Variants in PTGES2 observed in about 807,000 individuals in gnomAD.
The protein encoded by PTGES2 is GATE-binding factor 1.
Under a neutral mutation model 44.5 loss-of-function variants are expected in PTGES2, and 35 were observed. The ratio of observed to expected loss-of-function variants is 0.79; its 90% CI spans 0.60 to 1.04. The LOEUF (loss-of-function observed/expected upper bound fraction) is 1.04, where lower values mean the gene tolerates loss of function less well. PTGES2 is among the 50% of genes least tolerant of loss of function. The probability of loss-of-function intolerance (pLI) is 0.00; values close to 1 mark genes in which losing one functional copy is unlikely to be tolerated. For missense variants in PTGES2, 517 were observed against 521.4 expected (o/e 0.99, Z 0.08); for synonymous variants, 221 against 227.5 (o/e 0.97, Z 0.26).
intron 6 of PTGES2, 70 bp downstream of exon 6, chr9:128,122,286 GCTTTCC>G (rs1347889169): frequency 1.7e-6 from 2 of 1,177,402 alleles, no homozygotes; most frequent in Non-Finnish European, 2.5e-6. Flanking sequence ...CACCGTCCAG[GCTTTCC>G]CTTGCAAACC....
intron 6 of PTGES2, 31 bp from the exon 7 acceptor site, chr9:128,121,304 G>C (rs376523473): frequency 1.7e-5 from 27 of 1,592,988 alleles, no homozygotes; most frequent in Non-Finnish European, 2.2e-5. Context: ...TGTCACCATA[G>C]CTGGTTTGAC....
At chr9:128,121,938 C>T (rs565713467) in intron 6 of PTGES2, among the ~76,000 whole-genome samples, 2 of 150,246 alleles carry the variant, frequency 1.3e-5, no homozygotes, top group Admixed American at 6.6e-5. Context: ...ACAACAACAA[C>T]AAAAAAAAAC....
At chr9:128,127,015 C>A (rs1834644814) in intron 1 of PTGES2, among the ~76,000 whole-genome samples, 1 of 150,780 alleles carries the variant, frequency 6.6e-6, no homozygotes, top group Non-Finnish European at 1.5e-5. Flanking sequence ...CCTATCTCTA[C>A]AAAAAATACA....
chr9:128,126,859 C>T (rs7030184), intron 1 of PTGES2, among the ~76,000 whole-genome samples: 121,717 of 145,976 alleles, frequency 0.83, 50,336 homozygotes, highest in Non-Finnish European at 0.9. Flanking sequence ...AAAAAAACTC[C>T]GTCTCAAAAA....
chr9:128,123,712 C>T lies in PTGES2; in HGVS notation c.676G>A (p.Glu226Lys). 1 of 1,613,472 alleles carries T rather than the reference C, an allele frequency of 6.2e-7. No individual in the cohort carries two copies. The highest frequency in any genetic ancestry group is 1.1e-5 in the South Asian group (1 of 91,068). The stretch of plus-strand genomic sequence containing the variant: ...CCCAGCCCCACTCACGTCCTGGCCT[C>T]CTTCCCACCATACACTTGCTGGGCC... ...KEAQQVYGGK[E>K]ARTEEMKWRQ... The change falls in exon 4 of 7, where the codon GAG (glutamate) becomes AAG (lysine). Residue 226 changes from glutamate to lysine, a missense_variant. Coordinates refer to ENST00000338961, the MANE Select transcript of PTGES2 (RefSeq NM_025072.7). The surrounding 1 kb of genome is among the most constrained non-coding windows in gnomAD (Gnocchi z 4.4).
In PTGES2 at chr9:128,123,786, T is replaced by A. The variant is rs535947484; in HGVS notation, c.602A>T (p.Glu201Val). The A allele has an allele frequency of 8.1e-6, 13 of 1,613,874 alleles. No homozygotes were observed. In the African/African-American group the frequency reaches 9.3e-5, roughly 12 times the overall value. ...AMKAVNEQGK[E>V]VTEFGNKYWL... ...GTACTTATTGCCGAACTCGGTCACC[T>A]CCTTGCCCTGCTCGTTCACAGCCTT... Residue 201 changes from glutamate (E) to valine (V), a missense_variant, in exon 4 of 7, where the codon GAG becomes GTG. Transcript: ENST00000338961. The surrounding 1 kb of genome is among the most constrained non-coding windows in gnomAD (Gnocchi z 4.4).
Position 128,123,249 on chromosome 9 carries a change from T to C in PTGES2, c.687-115A>G. Reference sequence around the variant, plus strand: ...GGAAGCTGAAGCCTGAGCAGGAAGGTCTTTTTTTTTTTTTTGAGACAAAGT... The same window carrying C: ...GGAAGCTGAAGCCTGAGCAGGAAGGCCTTTTTTTTTTTTTTGAGACAAAGT... On this transcript the variant is annotated intron_variant, in intron 4 of 6. Transcript: ENST00000338961. The surrounding 1 kb of genome is among the most constrained non-coding windows in gnomAD (Gnocchi z 4.4). The C allele has an allele frequency of 1.2e-6, 1 of 845,306 alleles. No individual in the cohort carries two copies. Among genetic ancestry groups the C allele is most frequent in the Non-Finnish European group, 1.7e-6 (1 of 589,542 alleles). The allele number at this position is 845,306 out of a possible 1,614,324, so 52.4% of individuals were successfully genotyped here.
intron 1 of PTGES2, among the ~76,000 whole-genome samples, 157 bp from the exon 2 acceptor site, chr9:128,125,598 TG>T (rs1834590120): frequency 6.6e-6 from 1 of 152,152 alleles, no homozygotes; most frequent in Admixed American, 6.5e-5. Flanking sequence ...AGGGAGGCAC[TG>T]GACAGCAGCC....
At chr9:128,125,464 G>C (rs763745013) in intron 1 of PTGES2, 23 bp from the exon 2 acceptor site, 24 of 1,612,506 alleles carry the variant, frequency 1.5e-5, no homozygotes, top group Non-Finnish European at 1.3e-5. Context: ...GACGGAAAAG[G>C]CTTCTAGACC....
Position 128,125,228 on chromosome 9 carries a change from G to C in PTGES2, c.477+16C>G. 1 of 1,558,632 alleles carries C rather than the reference G, an allele frequency of 6.4e-7. No individual in the cohort carries two copies. The highest frequency in any genetic ancestry group is 8.7e-7 in the Non-Finnish European group (1 of 1,150,764). ...CAGGAAAGGAGGAAGGATGCAGGGG[G>C]TTCCCTGGGGCTCACCGAGCTTTCT... On this transcript the variant is annotated intron_variant, in intron 2 of 6. Transcript: ENST00000338961.
chr9:128,122,077 C>T (rs527518930), intron 6 of PTGES2, among the ~76,000 whole-genome samples: 16 of 152,144 alleles, frequency 1.1e-4, no homozygotes, highest in Non-Finnish European at 5.9e-5. Flanking sequence ...GTGTTGATGG[C>T]GACAGGTAGA....
In PTGES2 at chr9:128,123,068, G is replaced by C. The variant is rs1382142660; in HGVS notation, c.753C>G (p.Tyr251Ter). The change falls in exon 5 of 7, where the codon TAC becomes TAG. Residue 251 changes from tyrosine (Y) to a stop codon, truncating the protein, a stop_gained. Coordinates refer to ENST00000338961, the MANE Select transcript of PTGES2 (RefSeq NM_025072.7). LOFTEE classifies it high-confidence loss of function. The surrounding 1 kb of genome is among the most constrained non-coding windows in gnomAD (Gnocchi z 4.4). ...ACGCCAGAGCCTCGGTGGGCGTGCGGTACACATTGGGGGAGATCAGGTGCA... is the reference window on the plus strand; with the variant it reads ...ACGCCAGAGCCTCGGTGGGCGTGCGCTACACATTGGGGGAGATCAGGTGCA... ...WLVHLISPNVYRTPTEALASF... is the reference protein window; with the variant it reads ...WLVHLISPNV The C allele has an allele frequency of 1.9e-6, 3 of 1,612,676 alleles. No homozygotes were observed. The South Asian group carries it at 3.3e-5, about 18-fold the overall frequency.
Position 128,121,021 on chromosome 9 carries a change from G to T in PTGES2, c.*124C>A, listed in dbSNP as rs1056698249. ...TGTTAGAAGCGAGAGGGCTGGTGGG[G>T]GTGCGTGGACAAGGGGCAGAATGAT... On this transcript the variant is annotated 3_prime_UTR_variant, in exon 7 of 7. Transcript: ENST00000338961. 2.4e-6 allele frequency: 3 copies of T among 1,242,586 alleles called. No homozygotes were observed. The highest frequency in any genetic ancestry group is 2.2e-6 in the Non-Finnish European group (2 of 896,908). The allele number at this position is 1,242,586 out of a possible 1,614,324, so 77.0% of individuals were successfully genotyped here. A position where few individuals can be genotyped will look rare whatever the true frequency, so the allele number is the denominator to read the frequency against.
In PTGES2 at chr9:128,123,880, A is replaced by G; in HGVS notation, c.537-29T>C. 6.3e-7 allele frequency: 1 copy of G among 1,596,266 alleles called. No individual in the cohort carries two copies. Among genetic ancestry groups the G allele is most frequent in the East Asian group, 2.3e-5 (1 of 44,112 alleles). ...CGGAGAGAGCCACAATATCACCCCA[A>G]CTCCTTCCCCCTCCGTCCCCTGTGG... is the stretch of plus-strand genomic sequence containing the variant. On this transcript the variant is annotated intron_variant, in intron 3 of 6. Transcript: ENST00000338961. This position sits in a 1 kb window ranked among gnomAD's most constrained non-coding sequence, Gnocchi z 4.4.
intron 5 of PTGES2, 68 bp downstream of exon 5, chr9:128,122,866 G>T: frequency 6.5e-7 from 1 of 1,535,752 alleles, no homozygotes. Context: ...GGGGTGTGAT[G>T]GGATCACCAC....
chr9:128,128,153 C>A, upstream of PTGES2: 1 of 312,386 alleles, frequency 3.2e-6, no homozygotes, highest in Non-Finnish European at 6.0e-6. Context: ...GCCCCGGAAA[C>A]GACCCGACCC....
intron 6 of PTGES2, 84 bp downstream of exon 6, chr9:128,122,278 C>T: frequency 1.9e-6 from 2 of 1,073,750 alleles, no homozygotes; most frequent in Non-Finnish European, 2.8e-6. Flanking sequence ...GATGCAAGCA[C>T]CGTCCAGGCT....
chr9:128,122,606 T>C, intron 5 of PTGES2, 127 bp from the exon 6 acceptor site: 1 of 759,344 alleles, frequency 1.3e-6, no homozygotes, highest in Non-Finnish European at 2.2e-6. Flanking sequence ...GAGCATCACA[T>C]CTGCAGACGC....
At chr9:128,126,473 G>A (rs943971147) in intron 1 of PTGES2, among the ~76,000 whole-genome samples, 2 of 152,138 alleles carry the variant, frequency 1.3e-5, no homozygotes, top group African/African-American at 4.8e-5. Context: ...TAGGATTTGG[G>A]GGCAGTGGGG....
Sources: gnomAD v4.1 joint callset for allele counts (sites outside exome capture counted in the v4.1 genomes callset) on GRCh38, gnomAD v4.1.1 for gene constraint, Gnocchi (gnomAD v3.1) non-coding constraint, MANE v1.5 for transcripts, NCBI Gene and HGNC (gene_info 2026-07-23, HGNC 2026-07-21) for gene names.